SP140L: variants seen among roughly 807,000 people sequenced by gnomAD.
SP140L encodes nuclear body protein SP140-like protein.
In SP140L, 64 loss-of-function variants were observed where a neutral mutation model predicts 84.3. The ratio of observed to expected loss-of-function variants is 0.76; its 90% CI spans 0.62 to 0.94. SP140L has a LOEUF of 0.94. Among genes scored for constraint, SP140L ranks in the 40% least tolerant of loss-of-function variants. The probability of loss-of-function intolerance (pLI) is 0.00; values close to 1 mark genes in which losing one functional copy is unlikely to be tolerated. For missense variants in SP140L, 628 were observed against 692.5 expected, an observed-to-expected ratio of 0.91 and a Z score of 1.05; for synonymous variants, 242 against 236.9, an observed-to-expected ratio of 1.02 and a Z score of -0.20.
chr2:230,398,167 A>AT (rs529446130), intron 14 of SP140L, among the ~76,000 whole-genome samples: 14 of 152,086 alleles, frequency 9.2e-5, no homozygotes, highest in Non-Finnish European at 1.8e-4. Context: ...GAACATTAGG[A>AT]TTTTTTCAAG....
At chr2:230,328,396 G>A (rs7590580) in intron 1 of SP140L, among the ~76,000 whole-genome samples, 2,034 of 152,146 alleles carry the variant, frequency 0.013, 47 homozygotes, top group African/African-American at 0.047. Flanking sequence ...TTCTCGTTTT[G>A]TAATAAATGG....
At chr2:230,330,997 A>G (rs978206653) in intron 2 of SP140L, among the ~76,000 whole-genome samples, 2 of 152,162 alleles carry the variant, frequency 1.3e-5, no homozygotes, top group Non-Finnish European at 2.9e-5. Flanking sequence ...CTGTCATGGT[A>G]TCTCAGTGCT....
intron 5 of SP140L, among the ~76,000 whole-genome samples, chr2:230,367,295 CTTT>C (rs200306286): frequency 8.5e-6 from 1 of 118,046 alleles, no homozygotes; most frequent in Non-Finnish European, 1.7e-5. Flanking sequence ...TCTTTTTTTT[CTTT>C]TTTTTTTTTT....
intron 2 of SP140L, among the ~76,000 whole-genome samples, chr2:230,341,897 C>G (rs1441778437): frequency 2.0e-5 from 3 of 152,092 alleles, no homozygotes; most frequent in Non-Finnish European, 4.4e-5. Flanking sequence ...CTCTTCAAAG[C>G]TGTCAGACAG....
chr2:230,346,023 T>G (rs1399303999), intron 2 of SP140L, among the ~76,000 whole-genome samples: 3 of 152,212 alleles, frequency 2.0e-5, no homozygotes, highest in Non-Finnish European at 4.4e-5. Context: ...CATTGCAGCT[T>G]GAAGAACTAG....
At chr2:230,362,896 A>G (rs897023814) in intron 5 of SP140L, among the ~76,000 whole-genome samples, 1 of 152,192 alleles carries the variant, frequency 6.6e-6, no homozygotes, top group African/African-American at 2.4e-5. Flanking sequence ...AGAAAAAAAA[A>G]AAAGAATAAC....
At chr2:230,346,816 C>T (rs1203859236) in intron 2 of SP140L, among the ~76,000 whole-genome samples, 1 of 152,140 alleles carries the variant, frequency 6.6e-6, no homozygotes, top group Non-Finnish European at 1.5e-5. Flanking sequence ...TCTGTGTTCT[C>T]TTGTAGTTCA....
In SP140L at chr2:230,372,320, G is replaced by A. The variant is rs139519906; in HGVS notation, c.637+669G>A. ...AGTGTTGGGGTGTCTTTGAGATTGC[G>A]CAGTGGAAAGAGGTTGGAAGAATTT... On this transcript the variant is annotated intron_variant, in intron 7 of 18. Coordinates refer to ENST00000415673, the MANE Select transcript of SP140L (RefSeq NM_138402.6). 46 of 152,438 alleles carry A rather than the reference G, an allele frequency of 3.0e-4. No homozygotes were observed. In the East Asian group the frequency reaches 3.7e-3, roughly 12 times the overall value. 9.4% of individuals were successfully genotyped at this position (152,438 alleles called of 1,614,324 possible).
chr2:230,344,649 G>T (rs1219756593), intron 2 of SP140L, among the ~76,000 whole-genome samples: 1 of 152,144 alleles, frequency 6.6e-6, no homozygotes, highest in Admixed American at 6.5e-5. Context: ...TTTTGTAGTG[G>T]CTGGTAATGG....
chr2:230,328,438 C>T (rs768840822), intron 1 of SP140L, among the ~76,000 whole-genome samples: 4 of 152,150 alleles, frequency 2.6e-5, no homozygotes, highest in Non-Finnish European at 2.9e-5. Flanking sequence ...CTGCATTTTG[C>T]ATTTCTACTC....
intron 5 of SP140L, among the ~76,000 whole-genome samples, chr2:230,369,883 C>T (rs2060999235): frequency 3.9e-5 from 6 of 152,204 alleles, no homozygotes; most frequent in Admixed American, 3.9e-4. Flanking sequence ...AAGTGATTCT[C>T]CTGCCTCAGC....
chr2:230,389,760 C>T (rs969606628), intron 10 of SP140L, among the ~76,000 whole-genome samples, 159 bp from the exon 11 acceptor site: 8 of 152,064 alleles, frequency 5.3e-5, no homozygotes, highest in Non-Finnish European at 1.0e-4. Context: ...CTGTAGTTAC[C>T]GATCAAAAAT....
chr2:230,344,764 A>ATTGGATATTCAAGAATG (rs1277060921), intron 2 of SP140L, among the ~76,000 whole-genome samples: 2 of 152,104 alleles, frequency 1.3e-5, no homozygotes, highest in East Asian at 3.9e-4. Context: ...TCTTTGACCT[A>ATTGGATATTCAAGAATG]TTGGATATTC....
chr2:230,391,940 C>T (rs2061825969), intron 11 of SP140L, 147 bp from the exon 12 acceptor site: 1 of 1,086,642 alleles, frequency 9.2e-7, no homozygotes, highest in African/African-American at 1.6e-5. Context: ...GGATTTGGGG[C>T]CTCTGAAGTC....
chr2:230,394,857 A>G (rs1487687008), intron 13 of SP140L, among the ~76,000 whole-genome samples: 1 of 152,208 alleles, frequency 6.6e-6, no homozygotes, highest in African/African-American at 2.4e-5. Context: ...GTGCCACATG[A>G]TAATGTCTCT....
chr2:230,364,688 T>C (rs2060816034), intron 5 of SP140L, among the ~76,000 whole-genome samples: 1 of 152,058 alleles, frequency 6.6e-6, no homozygotes, highest in African/African-American at 2.4e-5. Context: ...TGACTAGAAG[T>C]GACGAGAATG....
At chr2:230,332,941 C>G (rs904706044) in intron 2 of SP140L, among the ~76,000 whole-genome samples, 3 of 152,120 alleles carry the variant, frequency 2.0e-5, no homozygotes, top group Non-Finnish European at 2.9e-5. Flanking sequence ...TTCTTTCTTG[C>G]TTTACTATCT....
intron 2 of SP140L, among the ~76,000 whole-genome samples, chr2:230,338,111 T>C (rs2059931621): frequency 1.5e-5 from 2 of 135,198 alleles, no homozygotes; most frequent in South Asian, 5.1e-4. Context: ...ACGATATTGA[T>C]TCTTCCTACC....
intron 4 of SP140L, among the ~76,000 whole-genome samples, chr2:230,361,370 T>C (rs1266364066): frequency 6.6e-6 from 1 of 152,214 alleles, no homozygotes; most frequent in Admixed American, 6.5e-5. Flanking sequence ...ATTTTGCGGG[T>C]AACACAGCTC....
Sources: gnomAD v4.1 joint callset for allele counts (sites outside exome capture counted in the v4.1 genomes callset) on GRCh38, gnomAD v4.1.1 for gene constraint, MANE v1.5 for transcripts, NCBI Gene and HGNC (gene_info 2026-07-23, HGNC 2026-07-21) for gene names.